ZNF726: variants seen among roughly 807,000 people sequenced by gnomAD.
ZNF726 encodes zinc finger protein 726.
A neutral mutation model predicts 11.6 loss-of-function variants in ZNF726; 15 were observed. That is an observed-to-expected ratio of 1.29 (90% CI 0.86 to 1.99). The LOEUF (loss-of-function observed/expected upper bound fraction) is 1.99. Ranked by LOEUF, ZNF726 falls within the 30% of genes most tolerant of loss-of-function variation. The pLI is 0.00. For synonymous variants in ZNF726, 295 were observed against 243.6 expected (o/e 1.21, Z -1.96); for missense variants, 890 against 725.6 (o/e 1.23, Z -2.60).
downstream of ZNF726, among the ~76,000 whole-genome samples, chr19:23,937,113 CG>C (rs1238880279): frequency 6.7e-6 from 1 of 149,928 alleles, no homozygotes; most frequent in Non-Finnish European, 1.5e-5. Context: ...CCCTCCCGGC[CG>C]GGGCGGCTGG....
Position 23,914,978 on chromosome 19 carries a change from C to G in ZNF726, c.-17C>G, listed in dbSNP as rs776142153. On this transcript the variant is annotated 5_prime_UTR_variant, in exon 1 of 4. Coordinates refer to ENST00000594466, the MANE Select transcript of ZNF726 (RefSeq NM_001244038.2). The stretch of plus-strand genomic sequence containing the variant: ...CAGCCTCTGTGGCCCTGTGACCTGC[C>G]CCCTGGAAGCCTAGAAATGGTGAGA... 1 of 1,613,638 alleles carries G rather than the reference C, an allele frequency of 6.2e-7. No homozygotes were observed. Among genetic ancestry groups the G allele is most frequent in the Non-Finnish European group, 8.5e-7 (1 of 1,179,994 alleles).
intron 3 of ZNF726, among the ~76,000 whole-genome samples, chr19:23,930,947 G>T (rs150432038): frequency 3.9e-5 from 6 of 151,986 alleles, no homozygotes; most frequent in Non-Finnish European, 5.9e-5. Flanking sequence ...ATCTTAATAC[G>T]TATTAAACAG....
At position 23,919,426 on chromosome 19, in the gene ZNF726, G is replaced by T; in HGVS notation, c.57G>T (p.Gln19His). The change falls in exon 2 of 4, where the codon CAG (glutamine) becomes CAT (histidine). Residue 19 changes from glutamine to histidine, a missense_variant. Coordinates refer to ENST00000594466, the MANE Select transcript of ZNF726 (RefSeq NM_001244038.2). The stretch of plus-strand genomic sequence containing the variant: ...TAGAATTCTCTCTGGAGGAGTGGCA[G>T]TGCCTGGACACTGCACAGAAGAATT... The part of the protein sequence containing the change: ...VAIEFSLEEW[Q>H]CLDTAQKNLY... 1 of 1,608,380 alleles carries T rather than the reference G, an allele frequency of 6.2e-7. No homozygotes were observed. Among genetic ancestry groups the T allele is most frequent in the Non-Finnish European group, 8.5e-7 (1 of 1,176,556 alleles).
rs1220376637 is a variant in ZNF726, at chr19:23,933,767, A to T, written c.1651A>T (p.Asn551Tyr). 3.7e-6 allele frequency: 6 copies of T among 1,610,564 alleles called. No homozygotes were observed. The highest frequency in any genetic ancestry group is 4.2e-6 in the Non-Finnish European group (5 of 1,179,248). Reference protein sequence around the residue: ...ECGKTFNQSSNLSTHKIIHTG... With the variant: ...ECGKTFNQSSYLSTHKIIHTG... ...TGGCAAAACTTTTAATCAATCCTCA[A>T]ATCTTAGTACACATAAGATAATTCA... The change falls in exon 4 of 4, where the codon AAT becomes TAT. Residue 551 changes from asparagine (N) to tyrosine (Y), a missense_variant. Coordinates refer to ENST00000594466, the MANE Select transcript of ZNF726 (RefSeq NM_001244038.2).
intron 3 of ZNF726, among the ~76,000 whole-genome samples, chr19:23,940,704 G>C (rs1339435319): frequency 6.6e-6 from 1 of 151,898 alleles, no homozygotes; most frequent in African/African-American, 2.4e-5. Context: ...GAGTTCTTTT[G>C]ACTCCTTCAT....
chr19:23,943,718 T>A (rs150031604), intron 4 of ZNF726: 4 of 451,296 alleles, frequency 8.9e-6, no homozygotes, highest in African/African-American at 3.9e-5. Flanking sequence ...CCTTTTTTTT[T>A]CCTCTAGCTC....
downstream of ZNF726, among the ~76,000 whole-genome samples, chr19:23,939,250 T>C (rs2145002097): frequency 6.6e-6 from 1 of 152,328 alleles, no homozygotes; most frequent in Non-Finnish European, 1.5e-5. Context: ...GTTACTTCAC[T>C]TAGAATAATA....
rs1568374041 is a variant in ZNF726, at chr19:23,919,188, CT to C, written c.4-181del. 5 of 897,536 alleles carry C rather than the reference CT, an allele frequency of 5.6e-6. No homozygotes were observed. The East Asian group carries it at 1.7e-4, about 31-fold the overall frequency. 55.6% of individuals were successfully genotyped at this position (897,536 alleles called of 1,614,324 possible). A position where few individuals can be genotyped will look rare whatever the true frequency, so the allele number is the denominator to read the frequency against. On this transcript the variant is annotated intron_variant, in intron 1 of 3. Transcript: ENST00000594466. ...GATGTTCTGGATATTATGCCAGTCT[CT>C]TTTCTCAGAGTTAGAGAATACATTA...
At chr19:23,937,721 C>G (rs1192369499), downstream of ZNF726, among the ~76,000 whole-genome samples, 1 of 152,128 alleles carries the variant, frequency 6.6e-6, no homozygotes, top group East Asian at 1.9e-4. Flanking sequence ...GGTAGAGACG[C>G]TCCTCACTTC....
At chr19:23,939,403 T>C (rs968489299), downstream of ZNF726, among the ~76,000 whole-genome samples, 4 of 152,212 alleles carry the variant, frequency 2.6e-5, no homozygotes, top group Admixed American at 1.3e-4. Context: ...GAGTTCAAAA[T>C]TGTGAATTGT....
Position 23,932,698 on chromosome 19 carries a change from A to G in ZNF726, c.582A>G (p.Ile194Met). 1 of 1,602,256 alleles carries G rather than the reference A, an allele frequency of 6.2e-7. No homozygotes were observed. Among genetic ancestry groups the G allele is most frequent in the Non-Finnish European group, 8.5e-7 (1 of 1,176,600 alleles). Reference sequence around the variant, plus strand: ...CACACAAAACCCAGCATAAAAGCATATATACTACAGAGAAGTCCTACAAAT... The same window carrying G: ...CACACAAAACCCAGCATAAAAGCATGTATACTACAGAGAAGTCCTACAAAT... ...MFSHKTQHKS[I>M]YTTEKSYKCK... Residue 194 changes from isoleucine (I) to methionine (M), a missense_variant, in exon 4 of 4, where the codon ATA becomes ATG. By Grantham distance (10) the Ile-to-Met change is conservative. Transcript: ENST00000594466.
intron 3 of ZNF726, 156 bp downstream of exon 3, chr19:23,920,238 C>T (rs780447112): frequency 4.8e-6 from 2 of 419,596 alleles, no homozygotes; most frequent in Non-Finnish European, 8.8e-6. Context: ...ATAGGGGCAT[C>T]TTCTGCTTAT....
At chr19:23,941,328 C>G (rs1231330074) in intron 3 of ZNF726, among the ~76,000 whole-genome samples, 2 of 152,154 alleles carry the variant, frequency 1.3e-5, no homozygotes, top group African/African-American at 2.4e-5. Context: ...TGGTATGCAA[C>G]CCACTTGATT....
At chr19:23,922,323 G>C (rs1158274807) in intron 3 of ZNF726, among the ~76,000 whole-genome samples, 2 of 152,184 alleles carry the variant, frequency 1.3e-5, no homozygotes, top group Non-Finnish European at 2.9e-5. Context: ...AGGTCACTTT[G>C]GATTTCTACA....
chr19:23,915,655 A>G lies in ZNF726; in HGVS notation c.3+658A>G, dbSNP rs1222452691. 2.0e-5 allele frequency among the ~76,000 whole-genome samples: 3 copies of G among 151,782 alleles called. No homozygotes were observed. In the East Asian group the frequency reaches 5.8e-4, roughly 29 times the overall value. On this transcript the variant is annotated intron_variant, in intron 1 of 3. Transcript: ENST00000594466. ...AAGTGCAGTTTCGTGATCTCGGCTC[A>G]CTGCAACCTCCACCTCCCGGGTTCA...
At chr19:23,928,623 G>A (rs1385781239) in intron 3 of ZNF726, 2 of 151,986 alleles carry the variant, frequency 1.3e-5, no homozygotes, top group Non-Finnish European at 2.9e-5. Flanking sequence ...AATATATTAT[G>A]TCTAAAACCC....
Position 23,923,594 on chromosome 19 carries a change from T to C in ZNF726, c.226+3512T>C, listed in dbSNP as rs1302968257. On this transcript the variant is annotated intron_variant, in intron 3 of 3. Coordinates refer to ENST00000594466, the MANE Select transcript of ZNF726 (RefSeq NM_001244038.2). The stretch of plus-strand genomic sequence containing the variant: ...CTTGGCTAATTTTTTGTATTTTTAG[T>C]AGAAACGGGGTTTCACCGTGCTCTC... 2.1e-5 allele frequency: 4 copies of C among 186,362 alleles called. No individual in the cohort carries two copies. The South Asian group carries it at 3.3e-4, about 15-fold the overall frequency. 11.5% of individuals were successfully genotyped at this position (186,362 alleles called of 1,614,324 possible). A position where few individuals can be genotyped will look rare whatever the true frequency, so the allele number is the denominator to read the frequency against.
chr19:23,918,215 G>A (rs193240519), intron 1 of ZNF726, among the ~76,000 whole-genome samples: 2 of 152,276 alleles, frequency 1.3e-5, no homozygotes, highest in East Asian at 3.9e-4. Context: ...AACACAGAGA[G>A]TAAGGAAGTC....
downstream of ZNF726, chr19:23,935,596 A>T: frequency 3.2e-6 from 1 of 315,088 alleles, no homozygotes; most frequent in East Asian, 8.0e-5. Context: ...ACTTTTCTAA[A>T]CAAAATCATG....
Sources: gnomAD v4.1 joint callset for allele counts (sites outside exome capture counted in the v4.1 genomes callset) on GRCh38, gnomAD v4.1.1 for gene constraint, MANE v1.5 for transcripts, NCBI Gene and HGNC (gene_info 2026-07-23, HGNC 2026-07-21) for gene names.